The following ATP9A variants were observed in gnomAD, a reference collection of about 807,000 sequenced individuals.
ATP9A encodes the protein probable phospholipid-transporting ATPase IIA.
ATP9A carries 52 observed loss-of-function variants against 144.1 expected under a neutral mutation model. That is an observed-to-expected ratio of 0.36 (90% CI 0.29 to 0.45). The LOEUF (loss-of-function observed/expected upper bound fraction) is 0.45. Ranked by LOEUF, ATP9A falls within the 20% of genes least tolerant of loss-of-function variation. The pLI is 1.00. For synonymous variants in ATP9A, 582 were observed against 557.4 expected (o/e 1.04, Z -0.62); for missense variants, 947 against 1,392.7 (o/e 0.68, Z 5.09).
chr20:51,633,421 A>G (rs1441235624), intron 15 of ATP9A, among the ~76,000 whole-genome samples: 1 of 152,166 alleles, frequency 6.6e-6, no homozygotes, highest in Admixed American at 6.5e-5. Context: ...AAATCCCTTG[A>G]AAAGGTAAAA....
chr20:51,767,142 C>G (rs1261859737), intron 1 of ATP9A, among the ~76,000 whole-genome samples: 3 of 151,684 alleles, frequency 2.0e-5, no homozygotes, highest in African/African-American at 4.9e-5. Flanking sequence ...CCACCCGCCG[C>G]GTCTCCTGTT....
rs1391117052 is a variant in ATP9A, at chr20:51,597,340, A to G, written c.*3871T>C. On this transcript the variant is annotated 3_prime_UTR_variant, in exon 28 of 28. Coordinates refer to ENST00000338821, the MANE Select transcript of ATP9A (RefSeq NM_006045.3). The stretch of plus-strand genomic sequence containing the variant: ...AGAACTGGACATAATTCATGGGAAT[A>G]TTTTAAGTATATATAAGTGGCAAAA... 1 of 152,228 alleles carries G rather than the reference A, an allele frequency of 6.6e-6. No individual in the cohort carries two copies. Among genetic ancestry groups the G allele is most frequent in the East Asian group, 1.9e-4 (1 of 5,194 alleles). The allele number at this position is 152,228 out of a possible 1,614,324, so 9.4% of individuals were successfully genotyped here.
At chr20:51,629,126 C>A in intron 15 of ATP9A, 54 bp from the exon 16 acceptor site, 2 of 1,402,208 alleles carry the variant, frequency 1.4e-6, no homozygotes, top group Non-Finnish European at 2.0e-6. Flanking sequence ...CCTCTTTCAG[C>A]GGCAAAGCCC....
chr20:51,698,910 C>T (rs1456129060), intron 4 of ATP9A, among the ~76,000 whole-genome samples: 1 of 152,088 alleles, frequency 6.6e-6, no homozygotes, highest in Non-Finnish European at 1.5e-5. Context: ...GTGAGGGAGC[C>T]CAGAGAGGAA....
chr20:51,613,967 A>T, intron 22 of ATP9A, 135 bp from the exon 23 acceptor site: 2 of 908,334 alleles, frequency 2.2e-6, no homozygotes, highest in Non-Finnish European at 3.2e-6. Context: ...GTTTCAAGCT[A>T]TATGCAGTTG....
chr20:51,697,363 C>G (rs906953492), intron 5 of ATP9A, 61 bp downstream of exon 5: 6 of 1,500,032 alleles, frequency 4.0e-6, no homozygotes, highest in Non-Finnish European at 5.5e-6. Context: ...ACCAGATACA[C>G]AAATGACACA....
At chr20:51,679,957 C>T (rs954526409) in intron 9 of ATP9A, among the ~76,000 whole-genome samples, 1 of 152,096 alleles carries the variant, frequency 6.6e-6, no homozygotes, top group Non-Finnish European at 1.5e-5. Flanking sequence ...GGGCTGAGCA[C>T]GGTGGCTCAC....
At chr20:51,693,528 T>C (rs1208318029) in intron 7 of ATP9A, among the ~76,000 whole-genome samples, 2 of 151,884 alleles carry the variant, frequency 1.3e-5, no homozygotes, top group African/African-American at 4.8e-5. Context: ...TTTTATTTTA[T>C]GGTTATTACT....
At chr20:51,703,264 A>G (rs1009825720) in intron 4 of ATP9A, among the ~76,000 whole-genome samples, 2 of 152,212 alleles carry the variant, frequency 1.3e-5, no homozygotes, top group African/African-American at 2.4e-5. Context: ...ATCTTCTTAT[A>G]AAGTGCACAG....
intron 1 of ATP9A, among the ~76,000 whole-genome samples, chr20:51,767,155 G>A (rs914529378): frequency 1.3e-5 from 2 of 150,132 alleles, no homozygotes; most frequent in Non-Finnish European, 2.9e-5. Context: ...CTCCTGTTCC[G>A]AGCAACTGAC....
intron 27 of ATP9A, among the ~76,000 whole-genome samples, chr20:51,603,376 T>C (rs1758206327): frequency 6.6e-6 from 1 of 151,940 alleles, no homozygotes; most frequent in African/African-American, 2.4e-5. Flanking sequence ...AAGATTAGAG[T>C]TCAGAATCTA....
At chr20:51,745,791 G>C (rs982092925) in intron 1 of ATP9A, among the ~76,000 whole-genome samples, 1 of 152,006 alleles carries the variant, frequency 6.6e-6, no homozygotes, top group Non-Finnish European at 1.5e-5. Context: ...AGCCACATGT[G>C]GCTGCTGAGT....
At chr20:51,655,721 G>T (rs2077384338) in intron 14 of ATP9A, among the ~76,000 whole-genome samples, 1 of 152,052 alleles carries the variant, frequency 6.6e-6, no homozygotes, top group Non-Finnish European at 1.5e-5. Context: ...AAAACAGACA[G>T]ACAGCTCCTC....
chr20:51,768,204 G>T, intron 1 of ATP9A, 98 bp downstream of exon 1: 3 of 711,328 alleles, frequency 4.2e-6, no homozygotes, highest in Non-Finnish European at 5.6e-6. Flanking sequence ...GGCGCCGGGC[G>T]CGGCGCGCGG....
At chr20:51,700,010 G>A (rs2077586969) in intron 4 of ATP9A, among the ~76,000 whole-genome samples, 1 of 152,140 alleles carries the variant, frequency 6.6e-6, no homozygotes, top group Admixed American at 6.5e-5. Context: ...TCGCTGGTAA[G>A]ACTTCTGGAC....
At chr20:51,641,122 G>A (rs952268274) in intron 14 of ATP9A, among the ~76,000 whole-genome samples, 15 of 152,104 alleles carry the variant, frequency 9.9e-5, no homozygotes, top group Admixed American at 8.5e-4. Context: ...ACTTTGGGAG[G>A]CTGAGGCAGG....
At chr20:51,756,615 T>C (rs942022008) in intron 1 of ATP9A, among the ~76,000 whole-genome samples, 9 of 151,876 alleles carry the variant, frequency 5.9e-5, no homozygotes, top group African/African-American at 2.2e-4. Flanking sequence ...AATCTCCTCC[T>C]ATAAGGTCAC....
chr20:51,638,123 A>ATC (rs2077303026), intron 15 of ATP9A, among the ~76,000 whole-genome samples: 12 of 105,446 alleles, frequency 1.1e-4, no homozygotes, highest in African/African-American at 3.8e-4. Context: ...ATATATATAT[A>ATC]TCTCATAGTT....
In ATP9A at chr20:51,601,190, C is replaced by T. The variant is rs372249523; in HGVS notation, c.*21G>A. On this transcript the variant is annotated 3_prime_UTR_variant, in exon 28 of 28. Coordinates refer to ENST00000338821, the MANE Select transcript of ATP9A (RefSeq NM_006045.3). Reference sequence around the variant, plus strand: ...ATCAGGGAAGCGCCAAGACCAGGGCCCCCTCCAGCGAACGCACGGCCTATG... The same window carrying T: ...ATCAGGGAAGCGCCAAGACCAGGGCTCCCTCCAGCGAACGCACGGCCTATG... 8.2e-6 allele frequency: 13 copies of T among 1,581,312 alleles called. No individual in the cohort carries two copies. In the African/African-American group the frequency reaches 1.8e-4, roughly 21 times the overall value.
Sources: gnomAD v4.1 joint callset for allele counts (sites outside exome capture counted in the v4.1 genomes callset) on GRCh38, gnomAD v4.1.1 for gene constraint, MANE v1.5 for transcripts, NCBI Gene and HGNC (gene_info 2026-07-23, HGNC 2026-07-21) for gene names.